The following TSHZ2 variants were observed in gnomAD, a reference collection of about 807,000 sequenced individuals.
TSHZ2 encodes the protein teashirt zinc finger homeobox 2.
Under a neutral mutation model 74.4 loss-of-function variants are expected in TSHZ2, and 21 were observed. The observed-to-expected ratio is 0.28, with a 90% CI of 0.20 to 0.41. The LOEUF is 0.41. Ranked by LOEUF, TSHZ2 falls within the 10% of genes least tolerant of loss-of-function variation. The pLI, the probability that TSHZ2 is intolerant of heterozygous loss-of-function variation, is 1.00. For missense variants in TSHZ2, 1,244 were observed against 1,293.5 expected (o/e 0.96, Z 0.59); for synonymous variants, 540 against 515.3 (o/e 1.05, Z -0.65).
chr20:53,370,048 G>T (rs985354231), intron 2 of TSHZ2, among the ~76,000 whole-genome samples: 1 of 152,176 alleles, frequency 6.6e-6, no homozygotes, highest in Non-Finnish European at 1.5e-5. Context: ...GTGGCATTCT[G>T]TAGGTGGGAG....
At chr20:53,322,454 A>C (rs1979308294) in intron 2 of TSHZ2, among the ~76,000 whole-genome samples, 1 of 152,052 alleles carries the variant, frequency 6.6e-6, no homozygotes, top group Non-Finnish European at 1.5e-5. Context: ...TGGAGGTTGC[A>C]ATGAGCCAAG....
chr20:53,412,427 G>A (rs1043809469), intron 2 of TSHZ2: 2 of 152,208 alleles, frequency 1.3e-5, no homozygotes, highest in Middle Eastern at 3.2e-3. Flanking sequence ...ATTACACATA[G>A]GATAAAATTT....
rs1003286700 is a variant in TSHZ2 at position 53,052,962 on chromosome 20, G to A, written c.40+79629G>A. 5.3e-4 allele frequency among the ~76,000 whole-genome samples: 80 copies of A among 152,102 alleles called. 1 individual carries two copies. The highest frequency in any genetic ancestry group is 1.7e-3 in the African/African-American group (72 of 41,420). ...CGCATGTTCACGTAGCTGTGCAACC[G>A]TCGTCGCGGTATCTAATTTAGAACA... is the stretch of plus-strand genomic sequence containing the variant. On this transcript the variant is annotated intron_variant, in intron 1 of 2. Coordinates refer to ENST00000371497, the MANE Select transcript of TSHZ2 (RefSeq NM_173485.6).
At chr20:53,210,006 T>C (rs1448228396) in intron 1 of TSHZ2, among the ~76,000 whole-genome samples, 3 of 152,246 alleles carry the variant, frequency 2.0e-5, no homozygotes, top group Non-Finnish European at 2.9e-5. Context: ...TTTGGAAACA[T>C]TGCCTTGATG....
intron 1 of TSHZ2, among the ~76,000 whole-genome samples, chr20:53,154,133 C>T (rs143880633): frequency 3.9e-4 from 60 of 152,128 alleles, no homozygotes; most frequent in South Asian, 2.1e-4. Context: ...TGTGTGCATA[C>T]AAACAAGGCC....
chr20:53,396,011 C>T (rs771626537), intron 2 of TSHZ2, among the ~76,000 whole-genome samples: 1 of 152,258 alleles, frequency 6.6e-6, no homozygotes, highest in Non-Finnish European at 1.5e-5. Flanking sequence ...TCTCGGCTCA[C>T]TGCAGGCTCC....
intron 1 of TSHZ2, among the ~76,000 whole-genome samples, chr20:53,243,054 A>C (rs1398758378): frequency 6.6e-6 from 1 of 152,158 alleles, no homozygotes; most frequent in Non-Finnish European, 1.5e-5. Context: ...GGTTGTTGGT[A>C]ATTTCGGAGG....
At chr20:53,227,463 A>AAC (rs10574252) in intron 1 of TSHZ2, among the ~76,000 whole-genome samples, 10,199 of 146,580 alleles carry the variant, frequency 0.07, 364 homozygotes, top group East Asian at 0.092. Flanking sequence ...TGGGGAGGAA[A>AAC]ACACACACAC....
Position 53,191,783 on chromosome 20 carries a change from T to C in TSHZ2, c.41-61716T>C, listed in dbSNP as rs139692773. Among the ~76,000 whole-genome samples the C allele has an allele frequency of 8.5e-5, 13 of 152,356 alleles. No individual in the cohort carries two copies. The South Asian group carries it at 1.2e-3, about 15-fold the overall frequency. On this transcript the variant is annotated intron_variant, in intron 1 of 2. Transcript: ENST00000371497. ...CTGTCAAGTACCGAACAGAAAGTACTGTAAGGAAGTCTGACATAGACACAA... is the reference window on the plus strand; with the variant it reads ...CTGTCAAGTACCGAACAGAAAGTACCGTAAGGAAGTCTGACATAGACACAA...
At chr20:53,313,582 C>A (rs1030394212) in intron 2 of TSHZ2, among the ~76,000 whole-genome samples, 1 of 152,186 alleles carries the variant, frequency 6.6e-6, no homozygotes, top group African/African-American at 2.4e-5. Flanking sequence ...CCTAAAAGTC[C>A]TTTTGTTCCA....
rs572497941 is a variant in TSHZ2, at chr20:53,074,654, G to A, written c.40+101321G>A. Among the ~76,000 whole-genome samples, 2 of 152,256 alleles carry A rather than the reference G, an allele frequency of 1.3e-5. No homozygotes were observed. Among genetic ancestry groups the A allele is most frequent in the Non-Finnish European group, 2.9e-5 (2 of 67,998 alleles). On this transcript the variant is annotated intron_variant, in intron 1 of 2. Coordinates refer to ENST00000371497, the MANE Select transcript of TSHZ2 (RefSeq NM_173485.6). This position sits in a 1 kb window ranked among gnomAD's most constrained non-coding sequence, Gnocchi z 5.9. ...CATAATAAAGGACTATTCAGATTAA[G>A]AAAAGGCTACTTGGAAACTATAGAT...
At chr20:53,095,859 G>A (rs1986024666) in intron 1 of TSHZ2, among the ~76,000 whole-genome samples, 1 of 152,100 alleles carries the variant, frequency 6.6e-6, no homozygotes, top group African/African-American at 2.4e-5. Flanking sequence ...GTGGAAAGTG[G>A]GGAGCAGAGG....
chr20:53,410,362 T>G (rs1288709200), intron 2 of TSHZ2, among the ~76,000 whole-genome samples: 9 of 152,110 alleles, frequency 5.9e-5, no homozygotes, highest in Non-Finnish European at 1.0e-4. Context: ...CTGAGCAGAA[T>G]TCACTTAAAA....
At chr20:53,423,352 C>G (rs1983546501) in intron 2 of TSHZ2, among the ~76,000 whole-genome samples, 1 of 152,108 alleles carries the variant, frequency 6.6e-6, no homozygotes, top group Non-Finnish European at 1.5e-5. Context: ...CCACTGCACT[C>G]CAGCCTGGGT....
chr20:53,045,995 G>T (rs1380746313), intron 1 of TSHZ2, among the ~76,000 whole-genome samples: 1 of 152,086 alleles, frequency 6.6e-6, no homozygotes, highest in African/African-American at 2.4e-5. Context: ...AAAAGGGTCG[G>T]CTCAGAAGCT....
At chr20:53,029,366 A>G (rs189110492) in intron 1 of TSHZ2, among the ~76,000 whole-genome samples, 82 of 152,352 alleles carry the variant, frequency 5.4e-4, no homozygotes, top group African/African-American at 1.8e-3. Context: ...ATATAAAAAT[A>G]TATTGTGGTT....
In TSHZ2 at chr20:53,489,978, G is replaced by T. The variant is rs1285504075; in HGVS notation, c.*2843G>T. 6.6e-6 allele frequency: 1 copy of T among 152,194 alleles called. No homozygotes were observed. Among genetic ancestry groups the T allele is most frequent in the East Asian group, 1.9e-4 (1 of 5,206 alleles). The allele number at this position is 152,194 out of a possible 1,614,324, so 9.4% of individuals were successfully genotyped here. On this transcript the variant is annotated 3_prime_UTR_variant, in exon 3 of 3. Coordinates refer to ENST00000371497, the MANE Select transcript of TSHZ2 (RefSeq NM_173485.6). ...CTTTCTTTTTGCTGAATAAAACACA[G>T]TTCTGATAAGTAAGAACTTTAGAAT...
intron 1 of TSHZ2, among the ~76,000 whole-genome samples, chr20:53,210,727 G>C (rs924665829): frequency 6.6e-6 from 1 of 151,896 alleles, no homozygotes; most frequent in African/African-American, 2.4e-5. Context: ...TTGATGGGGG[G>C]GCTCTTTGCT....
intron 2 of TSHZ2, among the ~76,000 whole-genome samples, chr20:53,472,180 T>C (rs928312727): frequency 1.3e-5 from 2 of 152,180 alleles, no homozygotes; most frequent in Admixed American, 6.5e-5. Context: ...CTTTGTTTGC[T>C]ATATGGAAAG....
Sources: gnomAD v4.1 joint callset for allele counts (sites outside exome capture counted in the v4.1 genomes callset) on GRCh38, gnomAD v4.1.1 for gene constraint, Gnocchi (gnomAD v3.1) non-coding constraint, MANE v1.5 for transcripts, NCBI Gene and HGNC (gene_info 2026-07-23, HGNC 2026-07-21) for gene names.